The following PIGR variants were observed in gnomAD, a reference collection of about 807,000 sequenced individuals.
The protein encoded by PIGR is polymeric immunoglobulin receptor.
Under a neutral mutation model 69.5 loss-of-function variants are expected in PIGR, and 22 were observed. The observed-to-expected ratio is 0.32, with a 90% CI of 0.23 to 0.45. The LOEUF (loss-of-function observed/expected upper bound fraction) is 0.45, where lower values mean the gene tolerates loss of function less well. PIGR is among the 20% of genes least tolerant of loss of function. PIGR has a pLI of 1.00. For synonymous variants in PIGR, 413 were observed against 407.6 expected (o/e 1.01, Z -0.16); for missense variants, 885 against 974.0 (o/e 0.91, Z 1.22).
In PIGR at chr1:206,937,789, T is replaced by A. The variant is rs931850037; in HGVS notation, c.389-38A>T. On this transcript the variant is annotated intron_variant, in intron 3 of 10. Transcript: ENST00000356495. ...GGGTGCAAGGTAGGGGGCAGGCAAG[T>A]TACGATTCTACTTTCTTGCAACATA... 3.2e-6 allele frequency: 5 copies of A among 1,584,096 alleles called. No homozygotes were observed. In the African/African-American group the frequency reaches 6.7e-5, roughly 21 times the overall value.
rs1386867151 is a variant in PIGR, at chr1:206,939,372, G to A, written c.135C>T (p.Thr45=). 2.5e-6 allele frequency: 4 copies of A among 1,614,114 alleles called. No homozygotes were observed. The highest frequency in any genetic ancestry group is 3.4e-6 in the Non-Finnish European group (4 of 1,180,052). The change falls in exon 3 of 11, where the codon ACC becomes ACT. Residue 45 remains threonine, a synonymous_variant. Coordinates refer to ENST00000356495, the MANE Select transcript of PIGR (RefSeq NM_002644.4). ...ACTTCCGGGTGTGCCGGTTGACAGA[G>A]GTGGGTGGGTAGTAGCACGTGATGG... The part of the protein sequence containing the change: ...SVSITCYYPP[T]SVNRHTRKYW...
At chr1:206,938,484 C>G (rs1393582918) in intron 3 of PIGR, among the ~76,000 whole-genome samples, 1 of 152,228 alleles carries the variant, frequency 6.6e-6, no homozygotes, top group Admixed American at 6.5e-5. Context: ...CCGTAGACCT[C>G]TCTTTTGAGT....
At position 206,935,913 on chromosome 1, in the gene PIGR, T is replaced by C; in HGVS notation, c.1046-95A>G. The C allele has an allele frequency of 1.1e-6, 1 of 897,464 alleles. No individual in the cohort carries two copies. The highest frequency in any genetic ancestry group is 1.7e-5 in the South Asian group (1 of 60,194). The allele number at this position is 897,464 out of a possible 1,614,324, so 55.6% of individuals were successfully genotyped here. The stretch of plus-strand genomic sequence containing the variant: ...CTTCTTCCCGGGGTCTCAGCCAGGA[T>C]GGGGAGTGAAGTTTACACGCATCAC... On this transcript the variant is annotated intron_variant, in intron 4 of 10. Transcript: ENST00000356495. This position sits in a 1 kb window ranked among gnomAD's most constrained non-coding sequence, Gnocchi z 4.4.
intron 2 of PIGR, 90 bp from the exon 3 acceptor site, chr1:206,939,553 C>T (rs1464843150): frequency 2.4e-6 from 2 of 832,206 alleles, no homozygotes; most frequent in Non-Finnish European, 3.9e-6. Context: ...TGGTTTTCTA[C>T]CTGACACGTA....
In PIGR at chr1:206,933,170, C is replaced by G; in HGVS notation, c.1706-4G>C. 6.2e-7 allele frequency: 1 copy of G among 1,613,772 alleles called. No individual in the cohort carries two copies. The highest frequency in any genetic ancestry group is 8.5e-7 in the Non-Finnish European group (1 of 1,179,790). ...GCTAGGCTGACATCGCGGGACCCTG[C>G]AGCAGGGAAGAGTGGGCCTGGGTTG... On this transcript the variant is annotated splice_region_variant and splice_polypyrimidine_tract_variant and intron_variant, in intron 6 of 10. Coordinates refer to ENST00000356495, the MANE Select transcript of PIGR (RefSeq NM_002644.4).
rs963305732 is a variant in PIGR, at chr1:206,930,264, G to A, written c.*54C>T. The A allele has an allele frequency of 6.7e-6, 10 of 1,494,424 alleles. No homozygotes were observed. The highest frequency in any genetic ancestry group is 2.5e-5 in the South Asian group (2 of 79,994). 92.6% of individuals were successfully genotyped at this position (1,494,424 alleles called of 1,614,324 possible). A position where few individuals can be genotyped will look rare whatever the true frequency, so the allele number is the denominator to read the frequency against. On this transcript the variant is annotated 3_prime_UTR_variant, in exon 11 of 11. Coordinates refer to ENST00000356495, the MANE Select transcript of PIGR (RefSeq NM_002644.4). The surrounding 1 kb of genome is among the most constrained non-coding windows in gnomAD (Gnocchi z 4.3). ...CCCAGGAGCTGAGGGCCCCAGGATC[G>A]ACATGATTCTGAAGGTGATTGTCAT...
At chr1:206,944,359 G>A (rs111251212) in intron 1 of PIGR, among the ~76,000 whole-genome samples, 38 of 152,290 alleles carry the variant, frequency 2.5e-4, no homozygotes, top group African/African-American at 9.1e-4. Flanking sequence ...TGTAATCCCA[G>A]CTACTCAGGA....
In PIGR at chr1:206,935,394, TG is replaced by T; in HGVS notation, c.1378+91del. The T allele has an allele frequency of 9.1e-7, 1 of 1,104,240 alleles. No homozygotes were observed. Among genetic ancestry groups the T allele is most frequent in the Non-Finnish European group, 1.3e-6 (1 of 749,592 alleles). 68.4% of individuals were successfully genotyped at this position (1,104,240 alleles called of 1,614,324 possible). ...CCTCCTGAGGTCTGGCCCATCAGGGTGGAGGCGGGTGAAAAAGGAGGAAGAG... is the reference window on the plus strand; with the variant it reads ...CCTCCTGAGGTCTGGCCCATCAGGGTGAGGCGGGTGAAAAAGGAGGAAGAG... On this transcript the variant is annotated intron_variant, in intron 5 of 10. Transcript: ENST00000356495. This position sits in a 1 kb window ranked among gnomAD's most constrained non-coding sequence, Gnocchi z 4.4.
chr1:206,936,314 A>G (rs545943192), intron 4 of PIGR, among the ~76,000 whole-genome samples: 3 of 152,342 alleles, frequency 2.0e-5, no homozygotes, highest in East Asian at 3.9e-4. Context: ...CTCAAAGACG[A>G]TAGCCATTCT....
intron 8 of PIGR, 45 bp from the exon 9 acceptor site, chr1:206,931,847 C>T (rs775521482): frequency 1.2e-6 from 2 of 1,611,562 alleles, no homozygotes; most frequent in South Asian, 2.2e-5. Context: ...GGGGCTGGGA[C>T]CTAGAAGGCC....
rs1016118730 is a variant in PIGR at position 206,930,231 on chromosome 1, G to A, written c.*87C>T. The stretch of plus-strand genomic sequence containing the variant: ...ACCTAGGCAGGTGTTAGAGCAGGGA[G>A]TGGGGTCCCCAGGAGCTGAGGGCCC... On this transcript the variant is annotated 3_prime_UTR_variant, in exon 11 of 11. Transcript: ENST00000356495. This position sits in a 1 kb window ranked among gnomAD's most constrained non-coding sequence, Gnocchi z 4.3. 1.5e-5 allele frequency: 17 copies of A among 1,171,030 alleles called. No individual in the cohort carries two copies. The African/African-American group carries it at 2.0e-4, about 14-fold the overall frequency. 72.5% of individuals were successfully genotyped at this position (1,171,030 alleles called of 1,614,324 possible).
chr1:206,935,889 T>C lies in PIGR; in HGVS notation c.1046-71A>G. The C allele has an allele frequency of 8.4e-7, 1 of 1,194,022 alleles. No homozygotes were observed. Among genetic ancestry groups the C allele is most frequent in the East Asian group, 2.4e-5 (1 of 42,244 alleles). 74.0% of individuals were successfully genotyped at this position (1,194,022 alleles called of 1,614,324 possible). On this transcript the variant is annotated intron_variant, in intron 4 of 10. Coordinates refer to ENST00000356495, the MANE Select transcript of PIGR (RefSeq NM_002644.4). The surrounding 1 kb of genome is among the most constrained non-coding windows in gnomAD (Gnocchi z 4.4). ...AGAGCCTTGCGTGGCCTGAGAAGCCTTCTTCCCGGGGTCTCAGCCAGGATG... is the reference window on the plus strand; with the variant it reads ...AGAGCCTTGCGTGGCCTGAGAAGCCCTCTTCCCGGGGTCTCAGCCAGGATG...
chr1:206,937,190 T>A lies in PIGR; in HGVS notation c.950A>T (p.Lys317Met). The A allele has an allele frequency of 6.2e-7, 1 of 1,614,196 alleles. No homozygotes were observed. Among genetic ancestry groups the A allele is most frequent in the Non-Finnish European group, 8.5e-7 (1 of 1,180,024 alleles). ...ACACAGGTAGCGCCCTGCATCCTCCTTCCTCAGGCCTGTGATCACCACACT... is the reference window on the plus strand; with the variant it reads ...ACACAGGTAGCGCCCTGCATCCTCCATCCTCAGGCCTGTGATCACCACACT... ...SFSVVITGLR[K>M]EDAGRYLCGA... The change falls in exon 4 of 11, where the codon AAG (lysine) becomes ATG (methionine). Residue 317 changes from lysine (K) to methionine (M), a missense_variant. Coordinates refer to ENST00000356495, the MANE Select transcript of PIGR (RefSeq NM_002644.4).
At position 206,937,720 on chromosome 1, in the gene PIGR, G is replaced by A. The variant is rs766989125; in HGVS notation, c.420C>T (p.Tyr140=). ...TCACCGTTCTGCCCAGGTCCACTGT[G>A]TAGACTTTAGTGTCATTTAGGAGCC... ...GPGLLNDTKV[Y]TVDLGRTVTI... is the part of the protein sequence containing the mutation. Residue 140 remains tyrosine, a synonymous_variant, in exon 4 of 11, where the codon TAC becomes TAT. Coordinates refer to ENST00000356495, the MANE Select transcript of PIGR (RefSeq NM_002644.4). 8.1e-6 allele frequency: 13 copies of A among 1,613,962 alleles called. No individual in the cohort carries two copies. The South Asian group carries it at 1.2e-4, about 15-fold the overall frequency.
chr1:206,932,197 C>T (rs1679767767), intron 8 of PIGR, among the ~76,000 whole-genome samples: 1 of 152,176 alleles, frequency 6.6e-6, no homozygotes, highest in African/African-American at 2.4e-5. Context: ...GAAACCCAAT[C>T]TCCTCTTCCT....
At position 206,931,490 on chromosome 1, in the gene PIGR, T is replaced by C. The variant is rs202141255; in HGVS notation, c.2199+7A>G. On this transcript the variant is annotated splice_region_variant and intron_variant, in intron 10 of 10. Transcript: ENST00000356495. The stretch of plus-strand genomic sequence containing the variant: ...TCATGTAGTGGGGCTTCCTTCTTCC[T>C]CCTCACCCTTTTTGCCTTCTTGGGT... 6.2e-7 allele frequency: 1 copy of C among 1,614,118 alleles called. No homozygotes were observed. The highest frequency in any genetic ancestry group is 8.5e-7 in the Non-Finnish European group (1 of 1,180,006).
chr1:206,945,640 G>A (rs1017892425), intron 1 of PIGR, among the ~76,000 whole-genome samples: 2 of 152,202 alleles, frequency 1.3e-5, no homozygotes, highest in South Asian at 2.1e-4. Context: ...AGAGCAAAGC[G>A]AGGTGGAATT....
chr1:206,929,427 G>C lies in PIGR; in HGVS notation c.*891C>G, dbSNP rs1379236053. The C allele has an allele frequency of 6.6e-6, 1 of 152,018 alleles. No homozygotes were observed. The highest frequency in any genetic ancestry group is 1.5e-5 in the Non-Finnish European group (1 of 68,010). The allele number at this position is 152,018 out of a possible 1,614,324, so 9.4% of individuals were successfully genotyped here. On this transcript the variant is annotated 3_prime_UTR_variant, in exon 11 of 11. Coordinates refer to ENST00000356495, the MANE Select transcript of PIGR (RefSeq NM_002644.4). ...CCAGGCGTGCTGGCAGGCGCCTGTA[G>C]TCCCAGCTACTTGGGAGGGTGAGGC...
At chr1:206,943,097 G>A (rs1382094815) in intron 1 of PIGR, among the ~76,000 whole-genome samples, 1 of 152,158 alleles carries the variant, frequency 6.6e-6, no homozygotes, top group Non-Finnish European at 1.5e-5. Flanking sequence ...CCAGCCCAGG[G>A]TGGCTGGGGC....
Sources: gnomAD v4.1 joint callset for allele counts (sites outside exome capture counted in the v4.1 genomes callset) on GRCh38, gnomAD v4.1.1 for gene constraint, Gnocchi (gnomAD v3.1) non-coding constraint, MANE v1.5 for transcripts, NCBI Gene and HGNC (gene_info 2026-07-23, HGNC 2026-07-21) for gene names.